The following HADH variants were observed in gnomAD, a reference collection of about 807,000 sequenced individuals.
HADH encodes the protein hydroxyacyl-CoA dehydrogenase.
HADH carries 24 observed loss-of-function variants against 32.2 expected under a neutral mutation model. That is an observed-to-expected ratio of 0.75 (90% confidence interval 0.54 to 1.05). HADH has a LOEUF of 1.05. Ranked by LOEUF, HADH falls within the 50% of genes least tolerant of loss-of-function variation. The pLI, the probability that HADH is intolerant of heterozygous loss-of-function variation, is 0.00. For missense variants in HADH, 350 were observed against 397.1 expected (o/e 0.88, Z 1.01); for synonymous variants, 139 against 152.5 (o/e 0.91, Z 0.65).
intron 6 of HADH, chr4:108,032,778 T>C: frequency 3.1e-6 from 1 of 323,194 alleles, no homozygotes; most frequent in Non-Finnish European, 5.9e-6. Flanking sequence ...AGGTTGGGAG[T>C]TTGAGCCCAG....
chr4:108,024,905 C>T (rs1339388377), intron 5 of HADH: 1 of 152,178 alleles, frequency 6.6e-6, no homozygotes. Context: ...ATTAAATTAT[C>T]TTGTTAGGTC....
Position 108,034,252 on chromosome 4 carries a change from G to A in HADH, c.840G>A (p.Met280Ile). The stretch of plus-strand genomic sequence containing the variant: ...TCCGCTCAATAGGGTGGCATGAAAT[G>A]GATGCAGAGAACCCATTACATCAGC... The part of the protein sequence containing the change: ...TKFIVDGWHE[M>I]DAENPLHQPS... The change falls in exon 8 of 8, where the codon ATG (methionine) becomes ATA (isoleucine). Residue 280 changes from methionine to isoleucine, a missense_variant. By Grantham distance (10) the Met-to-Ile change is conservative. Coordinates refer to ENST00000309522, the MANE Select transcript of HADH (RefSeq NM_005327.7). 1 of 1,607,724 alleles carries A rather than the reference G, an allele frequency of 6.2e-7. No homozygotes were observed. The highest frequency in any genetic ancestry group is 1.7e-5 in the Admixed American group (1 of 60,032).
chr4:108,029,976 C>A (rs1262881516), intron 6 of HADH: 2 of 152,304 alleles, frequency 1.3e-5, no homozygotes, highest in Non-Finnish European at 2.9e-5. Context: ...TTGCCAGGCA[C>A]CCACTCCTAA....
rs765779135 is a variant in HADH, at chr4:108,034,624, A to G, written c.*267A>G. On this transcript the variant is annotated 3_prime_UTR_variant, in exon 8 of 8. Coordinates refer to ENST00000309522, the MANE Select transcript of HADH (RefSeq NM_005327.7). Reference sequence around the variant, plus strand: ...ACACCCTTGGTGCCTTGGAGCAAACATGTTTTTTGAACCTTGTCATTTTTG... The same window carrying G: ...ACACCCTTGGTGCCTTGGAGCAAACGTGTTTTTTGAACCTTGTCATTTTTG... 7.6e-6 allele frequency: 3 copies of G among 394,984 alleles called. No homozygotes were observed. The highest frequency in any genetic ancestry group is 9.7e-6 in the Non-Finnish European group (2 of 206,164). 24.5% of individuals were successfully genotyped at this position (394,984 alleles called of 1,614,324 possible).
chr4:108,032,331 C>A (rs201019894), intron 6 of HADH: 3 of 1,597,242 alleles, frequency 1.9e-6, no homozygotes, highest in Non-Finnish European at 2.6e-6. Context: ...CAACAGACTT[C>A]CAAACGTGTG....
At chr4:108,022,312 A>G (rs73838295) in intron 4 of HADH, among the ~76,000 whole-genome samples, 1,590 of 151,804 alleles carry the variant, frequency 0.01, 24 homozygotes, top group African/African-American at 0.037. Context: ...TCCATTTACC[A>G]TTACACATGA....
Position 108,019,622 on chromosome 4 carries a change from G to T in HADH, c.502G>T (p.Gly168Cys), listed in dbSNP as rs1337067533. ...NATTRQDRFA[G>C]LHFFNPVPVM... is the part of the protein sequence containing the mutation. ...CACCACCAGACAAGACCGATTCGCT[G>T]GCCTCCATTTCTTCAACCCAGTGCC... is the stretch of plus-strand genomic sequence containing the variant. The change falls in exon 4 of 8, where the codon GGC (glycine) becomes TGC (cysteine). Residue 168 changes from glycine to cysteine, a missense_variant. Physicochemically the swap from Gly to Cys is radical, Grantham distance 159. Coordinates refer to ENST00000309522, the MANE Select transcript of HADH (RefSeq NM_005327.7). 6.2e-7 allele frequency: 1 copy of T among 1,613,966 alleles called. No homozygotes were observed. The highest frequency in any genetic ancestry group is 1.3e-5 in the African/African-American group (1 of 74,920).
At chr4:108,010,691 C>A (rs1735456576) in intron 2 of HADH, among the ~76,000 whole-genome samples, 1 of 151,884 alleles carries the variant, frequency 6.6e-6, no homozygotes, top group Admixed American at 6.6e-5. Context: ...ATAAAATTTG[C>A]CATTTTAAAC....
intron 1 of HADH, among the ~76,000 whole-genome samples, chr4:107,993,919 A>G (rs911804855): frequency 2.0e-5 from 3 of 152,126 alleles, no homozygotes; most frequent in Admixed American, 6.5e-5. Context: ...TTTTTGCTTT[A>G]TAAAGAGGAA....
chr4:108,027,733 A>G lies in HADH; in HGVS notation c.682A>G (p.Met228Val), dbSNP rs746284096. The change falls in exon 6 of 8, where the codon ATG becomes GTG. Residue 228 changes from methionine to valine, a missense_variant. Coordinates refer to ENST00000309522, the MANE Select transcript of HADH (RefSeq NM_005327.7). ...IVNRLLVPYL[M>V]EAIRLYERGD... Reference sequence around the variant, plus strand: ...GAACCGCCTCCTGGTTCCATACCTCATGGAAGCAATCAGGCTGTATGAACG... The same window carrying G: ...GAACCGCCTCCTGGTTCCATACCTCGTGGAAGCAATCAGGCTGTATGAACG... 3 of 1,609,338 alleles carry G rather than the reference A, an allele frequency of 1.9e-6. No individual in the cohort carries two copies. The highest frequency in any genetic ancestry group is 2.6e-6 in the Non-Finnish European group (3 of 1,175,678).
At chr4:107,999,866 A>G (rs1485099322) in intron 1 of HADH, among the ~76,000 whole-genome samples, 3 of 152,248 alleles carry the variant, frequency 2.0e-5, no homozygotes, top group Non-Finnish European at 4.4e-5. Flanking sequence ...AATAGTTTAC[A>G]TACCTTACCT....
intron 2 of HADH, among the ~76,000 whole-genome samples, chr4:108,011,669 A>T (rs1017026656): frequency 5.9e-5 from 9 of 152,232 alleles, no homozygotes; most frequent in Non-Finnish European, 1.2e-4. Context: ...ACCTACAAGT[A>T]GAATTGCTGG....
chr4:108,031,066 T>C (rs1736244542), intron 6 of HADH: 1 of 152,254 alleles, frequency 6.6e-6, no homozygotes, highest in African/African-American at 2.4e-5. Flanking sequence ...GAATATAGAT[T>C]TCATTAAATG....
chr4:107,999,108 G>A (rs1735040010), intron 1 of HADH, among the ~76,000 whole-genome samples: 1 of 152,212 alleles, frequency 6.6e-6, no homozygotes, highest in Non-Finnish European at 1.5e-5. Context: ...CTGTGTTGGA[G>A]AGCAGTGAGC....
intron 6 of HADH, chr4:108,028,355 A>G (rs1736136346): frequency 6.4e-6 from 1 of 155,814 alleles, no homozygotes; most frequent in African/African-American, 2.4e-5. Context: ...CCAGGCCTCT[A>G]AATTGATCTG....
chr4:108,007,792 G>A (rs548026915), intron 1 of HADH, among the ~76,000 whole-genome samples: 61 of 152,306 alleles, frequency 4.0e-4, no homozygotes, highest in Non-Finnish European at 7.9e-4. Flanking sequence ...TATGTACCAG[G>A]CATCAGGTTA....
At chr4:108,003,530 G>C (rs1415975484) in intron 1 of HADH, among the ~76,000 whole-genome samples, 2 of 152,148 alleles carry the variant, frequency 1.3e-5, no homozygotes, top group Non-Finnish European at 2.9e-5. Context: ...ATGCCACCAA[G>C]TAATTTAAAG....
At chr4:108,031,378 G>A (rs1243190954) in intron 6 of HADH, 1 of 152,290 alleles carries the variant, frequency 6.6e-6, no homozygotes, top group Non-Finnish European at 1.5e-5. Context: ...GGCACAGGGA[G>A]CATATCCCAA....
intron 6 of HADH, chr4:108,032,947 A>T: frequency 1.9e-6 from 1 of 516,950 alleles, no homozygotes; most frequent in Non-Finnish European, 3.5e-6. Context: ...GTGCCATTGC[A>T]CTTCAGCTTG....
Sources: allele counts gnomAD v4.1 joint callset (sites outside exome capture counted in the v4.1 genomes callset), GRCh38; gene constraint gnomAD v4.1.1; transcripts MANE v1.5; gene names NCBI Gene and HGNC (gene_info 2026-07-23, HGNC 2026-07-21).